Variants in TSHR observed in about 807,000 individuals in gnomAD.
The protein encoded by TSHR is thyroid stimulating hormone receptor.
In TSHR, 51 loss-of-function variants were observed where a neutral mutation model predicts 64.1. The ratio of observed to expected loss-of-function variants is 0.80; its 90% confidence interval spans 0.64 to 1.01. The LOEUF (loss-of-function observed/expected upper bound fraction) is 1.01. Among genes scored for constraint, TSHR ranks in the 50% least tolerant of loss-of-function variants. TSHR has a pLI of 0.00. For synonymous variants in TSHR, 361 were observed against 361.9 expected (o/e 1.00, Z 0.03); for missense variants, 877 against 942.8 (o/e 0.93, Z 0.91).
chr14:80,980,031 C>T (rs1033290109), intron 1 of TSHR, among the ~76,000 whole-genome samples: 26 of 152,202 alleles, frequency 1.7e-4, no homozygotes, highest in African/African-American at 6.3e-4. Flanking sequence ...GCCCTGCTTG[C>T]TTCTCTTTGC....
At chr14:81,000,034 C>T (rs1037605024) in intron 1 of TSHR, among the ~76,000 whole-genome samples, 4 of 150,686 alleles carry the variant, frequency 2.7e-5, no homozygotes, top group Non-Finnish European at 5.9e-5. Context: ...TGGGTTCAAG[C>T]GATTCTCCAG....
rs905270294 is a variant in TSHR, at chr14:81,020,889, C to A, written c.171-41259C>A. 7.2e-5 allele frequency among the ~76,000 whole-genome samples: 11 copies of A among 152,190 alleles called. No homozygotes were observed. In the South Asian group the frequency reaches 1.0e-3, roughly 14 times the overall value. On this transcript the variant is annotated intron_variant, in intron 1 of 9. Transcript: ENST00000298171. Reference sequence around the variant, plus strand: ...AAAAGCCTGCTTCCATTTCCAACATCCTATCTTTGTGAAGCAGGGTTTTCT... The same window carrying A: ...AAAAGCCTGCTTCCATTTCCAACATACTATCTTTGTGAAGCAGGGTTTTCT...
intron 1 of TSHR, chr14:80,995,053 AAT>A (rs1888938889): frequency 6.6e-6 from 1 of 152,220 alleles, no homozygotes; most frequent in South Asian, 2.1e-4. Flanking sequence ...AGAAAAAATA[AAT>A]AACCCCATTA....
rs1891879157 is a variant in TSHR, at chr14:81,145,121, A to G, written c.*768A>G. ...TGAACTCTAGGAAGTCTTTCTGAGT[A>G]GCAATAAGTGGGAATTATGGGCAGA... On this transcript the variant is annotated 3_prime_UTR_variant, in exon 10 of 10. Transcript: ENST00000298171. The G allele has an allele frequency of 4.3e-6, 1 of 233,132 alleles. No homozygotes were observed. Among genetic ancestry groups the G allele is most frequent in the South Asian group, 1.8e-4 (1 of 5,532 alleles). The allele number at this position is 233,132 out of a possible 1,614,324, so 14.4% of individuals were successfully genotyped here. A position where few individuals can be genotyped will look rare whatever the true frequency, so the allele number is the denominator to read the frequency against.
At position 81,073,016 on chromosome 14, in the gene TSHR, AAATAAATATAT is replaced by A. The variant is rs1305246907; in HGVS notation, c.317+4690_317+4700del. On this transcript the variant is annotated intron_variant, in intron 3 of 9. Coordinates refer to ENST00000298171, the MANE Select transcript of TSHR (RefSeq NM_000369.5). Reference sequence around the variant, plus strand: ...CGTCTCAAAAAAAAAAAAAAATAAAAAATAAATATATATATATATATATATATATATATAAA... The same window carrying A: ...CGTCTCAAAAAAAAAAAAAAATAAAAATATATATATATATATATATATAAA... Among the ~76,000 whole-genome samples the A allele has an allele frequency of 2.6e-4, 21 of 81,868 alleles. 4 individuals are homozygous for A. The highest frequency in any genetic ancestry group is 1.5e-4 in the Non-Finnish European group (7 of 46,580). The allele number at this position is 81,868 out of a possible 152,430, so 53.7% of individuals were successfully genotyped here. A position where few individuals can be genotyped will look rare whatever the true frequency, so the allele number is the denominator to read the frequency against.
At chr14:80,983,683 G>A (rs1265576216) in intron 1 of TSHR, 1 of 626,430 alleles carries the variant, frequency 1.6e-6, no homozygotes, top group Non-Finnish European at 2.7e-6. Flanking sequence ...CCAAACTCTA[G>A]CAGGCTGTAC....
intron 8 of TSHR, among the ~76,000 whole-genome samples, chr14:81,131,216 CCCCATAT>C (rs1439923946): frequency 6.6e-6 from 1 of 152,120 alleles, no homozygotes; most frequent in Non-Finnish European, 1.5e-5. Flanking sequence ...TTCTCACATA[CCCCATAT>C]CCCATCCATC....
chr14:81,119,512 T>TA (rs1890693149), intron 8 of TSHR, among the ~76,000 whole-genome samples: 1 of 133,566 alleles, frequency 7.5e-6, no homozygotes, highest in Admixed American at 7.3e-5. Context: ...TGGCAATCAT[T>TA]AAAAAGTCAG....
At position 81,030,864 on chromosome 14, in the gene TSHR, T is replaced by C. The variant is rs962381051; in HGVS notation, c.171-31284T>C. Among the ~76,000 whole-genome samples, 14 of 152,212 alleles carry C rather than the reference T, an allele frequency of 9.2e-5. 2 individuals carry two copies. The highest frequency in any genetic ancestry group is 7.2e-4 in the Admixed American group (11 of 15,278). On this transcript the variant is annotated intron_variant, in intron 1 of 9. Transcript: ENST00000298171. ...GTCAGTAGGAAATGCATTCTGAATA[T>C]AGCACACATGGGGCAAATGTTCCTT...
rs575493435 is a variant in TSHR at position 81,080,242 on chromosome 14, G to A, written c.318-7712G>A. ...CCTGGGATTACAGGTGTGAGCCACC[G>A]CACCTGGCCTATGTGAGTTTTTTAA... On this transcript the variant is annotated intron_variant, in intron 3 of 9. Coordinates refer to ENST00000298171, the MANE Select transcript of TSHR (RefSeq NM_000369.5). 3.9e-3 allele frequency among the ~76,000 whole-genome samples: 597 copies of A among 152,214 alleles called. 7 individuals carry two copies. Among genetic ancestry groups the A allele is most frequent in the African/African-American group, 0.013 (545 of 41,542 alleles).
At chr14:80,964,684 G>C (rs1055367922) in intron 1 of TSHR, among the ~76,000 whole-genome samples, 1 of 152,130 alleles carries the variant, frequency 6.6e-6, no homozygotes. Flanking sequence ...GATCTTCAAA[G>C]GTGTCCTTGA....
At chr14:81,044,093 A>G (rs915725106) in intron 1 of TSHR, among the ~76,000 whole-genome samples, 2 of 152,250 alleles carry the variant, frequency 1.3e-5, no homozygotes, top group Non-Finnish European at 2.9e-5. Context: ...AATGGGATCT[A>G]ATTAAAGTAA....
At chr14:81,067,798 G>C (rs1400297749) in intron 2 of TSHR, among the ~76,000 whole-genome samples, 1 of 148,894 alleles carries the variant, frequency 6.7e-6, no homozygotes, top group Non-Finnish European at 1.5e-5. Context: ...GCAAGCATCA[G>C]AAAAGAACAC....
chr14:81,017,926 T>C (rs2139791576), intron 1 of TSHR, among the ~76,000 whole-genome samples: 1 of 149,346 alleles, frequency 6.7e-6, no homozygotes, highest in African/African-American at 2.5e-5. Flanking sequence ...GCCTCCTGGG[T>C]TAAAGTGATT....
intron 4 of TSHR, among the ~76,000 whole-genome samples, chr14:81,089,623 T>C (rs1407383066): frequency 6.6e-6 from 1 of 152,130 alleles, no homozygotes; most frequent in Admixed American, 6.6e-5. Context: ...GGGGTTCAGG[T>C]AATTAGAGAA....
At chr14:81,030,055 G>A (rs1884271333) in intron 1 of TSHR, among the ~76,000 whole-genome samples, 2 of 152,154 alleles carry the variant, frequency 1.3e-5, no homozygotes, top group African/African-American at 4.8e-5. Flanking sequence ...TGTGTTGATA[G>A]GCCCTAGAAA....
intron 3 of TSHR, 21 bp from the exon 4 acceptor site, chr14:81,087,933 T>C (rs113335736): frequency 6.4e-7 from 1 of 1,550,652 alleles, no homozygotes; most frequent in Non-Finnish European, 8.9e-7. Context: ...ATAGTGACTG[T>C]GTTCCTTGTA....
chr14:81,088,131 A>G, intron 4 of TSHR, 103 bp downstream of exon 4: 1 of 944,680 alleles, frequency 1.1e-6, no homozygotes, highest in Non-Finnish European at 1.7e-6. Context: ...GTCCAGGTTC[A>G]TTTTAATGGT....
intron 1 of TSHR, among the ~76,000 whole-genome samples, chr14:81,011,347 T>C (rs1889895566): frequency 6.6e-6 from 1 of 152,070 alleles, no homozygotes. Flanking sequence ...AAATAATAAT[T>C]TATTCAGTTA....
Sources: gnomAD v4.1 joint callset for allele counts (sites outside exome capture counted in the v4.1 genomes callset) on GRCh38, gnomAD v4.1.1 for gene constraint, MANE v1.5 for transcripts, NCBI Gene and HGNC (gene_info 2026-07-23, HGNC 2026-07-21) for gene names.